TTC27: variants seen among roughly 807,000 people sequenced by gnomAD.
TTC27 encodes the protein tetratricopeptide repeat domain 27.
A neutral mutation model predicts 115.9 loss-of-function variants in TTC27; 79 were observed. That is an observed-to-expected ratio of 0.68 (90% CI 0.57 to 0.82). The LOEUF is 0.82. TTC27 is among the 40% of genes least tolerant of loss of function. TTC27 has a pLI of 0.00. For missense variants in TTC27, 1,054 were observed against 993.1 expected (o/e 1.06, Z -0.82); for synonymous variants, 401 against 356.0 (o/e 1.13, Z -1.42).
intron 16 of TTC27, among the ~76,000 whole-genome samples, chr2:32,791,145 A>C (rs1015529150): frequency 2.0e-5 from 3 of 152,232 alleles, no homozygotes; most frequent in African/African-American, 7.2e-5. Context: ...CTACATAATT[A>C]GTTCCTGTTC....
At chr2:32,808,476 T>A (rs1671210976) in intron 16 of TTC27, among the ~76,000 whole-genome samples, 1 of 152,214 alleles carries the variant, frequency 6.6e-6, no homozygotes, top group Non-Finnish European at 1.5e-5. Flanking sequence ...TGGTGGTATC[T>A]GCATATGAAC....
chr2:32,782,536 T>TG, intron 14 of TTC27, 90 bp from the exon 15 acceptor site: 2 of 1,082,816 alleles, frequency 1.8e-6, no homozygotes. Flanking sequence ...GAGCATATAT[T>TG]GGACTAGGAG....
chr2:32,642,775 C>T (rs1664701939), intron 4 of TTC27, among the ~76,000 whole-genome samples: 1 of 150,826 alleles, frequency 6.6e-6, no homozygotes, highest in Non-Finnish European at 1.5e-5. Flanking sequence ...TGAAGCCATC[C>T]TCCCACCTCA....
intron 12 of TTC27, among the ~76,000 whole-genome samples, chr2:32,754,850 C>A (rs9259379): frequency 1.4e-5 from 2 of 142,832 alleles, no homozygotes; most frequent in South Asian, 4.6e-4. Flanking sequence ...CCCTCCCGGA[C>A]GGGGCGGCTG....
intron 7 of TTC27, among the ~76,000 whole-genome samples, chr2:32,670,078 A>T (rs1014478126): frequency 6.6e-6 from 1 of 151,820 alleles, no homozygotes; most frequent in Non-Finnish European, 1.5e-5. Context: ...AGGCTTCACC[A>T]TGCTGGCCAG....
In TTC27 at chr2:32,630,611, A is replaced by G; in HGVS notation, c.177A>G (p.Thr59=). 6.2e-7 allele frequency: 1 copy of G among 1,613,842 alleles called. No individual in the cohort carries two copies. Among genetic ancestry groups the G allele is most frequent in the Non-Finnish European group, 8.5e-7 (1 of 1,179,878 alleles). The part of the protein sequence containing the change: ...NSMTQNIFNS[T]TTAEEKIDSY... ...TGACTCAAAATATTTTTAATTCAACAACAACCGCTGAAGAAAAGATTGATA... is the reference window on the plus strand; with the variant it reads ...TGACTCAAAATATTTTTAATTCAACGACAACCGCTGAAGAAAAGATTGATA... Residue 59 remains threonine (T), a synonymous_variant, in exon 2 of 20, where the codon ACA becomes ACG. Transcript: ENST00000317907.
intron 3 of TTC27, among the ~76,000 whole-genome samples, chr2:32,635,791 A>C (rs1399802575): frequency 6.6e-6 from 1 of 152,214 alleles, no homozygotes; most frequent in Non-Finnish European, 1.5e-5. Flanking sequence ...GAAGAAGTGC[A>C]AAAACAAGCA....
intron 10 of TTC27, among the ~76,000 whole-genome samples, chr2:32,709,128 A>C (rs1559216265): frequency 6.6e-6 from 1 of 152,222 alleles, no homozygotes; most frequent in Non-Finnish European, 1.5e-5. Context: ...TGAATGATAA[A>C]TTTTGGATAA....
chr2:32,787,282 T>A (rs980629794), intron 16 of TTC27, 133 bp downstream of exon 16: 2 of 968,812 alleles, frequency 2.1e-6, no homozygotes, highest in Non-Finnish European at 3.0e-6. Flanking sequence ...GGGTATTTTT[T>A]TCTAGTCAAA....
In TTC27 at chr2:32,666,625, G is replaced by GT. The variant is rs750632582; in HGVS notation, c.806-4dup. ...GTAAGTCAGTAGATATAATTTTATTGTTTTTTCAGGTGCTTTGGGAAAAAG... is the reference window on the plus strand; with the variant it reads ...GTAAGTCAGTAGATATAATTTTATTGTTTTTTTCAGGTGCTTTGGGAAAAAG... On this transcript the variant is annotated splice_polypyrimidine_tract_variant and intron_variant, in intron 6 of 19. Coordinates refer to ENST00000317907, the MANE Select transcript of TTC27 (RefSeq NM_017735.5). The GT allele has an allele frequency of 9.9e-6, 16 of 1,613,340 alleles. No individual in the cohort carries two copies. The Admixed American group carries it at 1.8e-4, about 19-fold the overall frequency.
intron 3 of TTC27, 96 bp downstream of exon 3, chr2:32,634,101 C>T: frequency 7.3e-7 from 1 of 1,376,704 alleles, no homozygotes; most frequent in Non-Finnish European, 9.7e-7. Flanking sequence ...AGGAAAGAAA[C>T]ATGACTTTAT....
At chr2:32,789,607 T>G (rs1433249505) in intron 16 of TTC27, among the ~76,000 whole-genome samples, 1 of 152,092 alleles carries the variant, frequency 6.6e-6, no homozygotes, top group South Asian at 2.1e-4. Context: ...CATTGGAATT[T>G]TAAGAACATT....
At chr2:32,800,686 A>T (rs1426750496) in intron 16 of TTC27, among the ~76,000 whole-genome samples, 1 of 142,274 alleles carries the variant, frequency 7.0e-6, no homozygotes, top group Non-Finnish European at 1.5e-5. Context: ...TTTTAGTAGA[A>T]ATGGGGTTTC....
chr2:32,799,698 T>C (rs1670856082), intron 16 of TTC27, among the ~76,000 whole-genome samples: 1 of 152,144 alleles, frequency 6.6e-6, no homozygotes. Context: ...ATCCTTATTA[T>C]ATAAAGAGTT....
intron 1 of TTC27, 79 bp from the exon 2 acceptor site, chr2:32,630,444 G>T: frequency 8.7e-7 from 1 of 1,152,650 alleles, no homozygotes; most frequent in Non-Finnish European, 1.2e-6. Flanking sequence ...TAAAATGGTA[G>T]ATTTACCTAA....
intron 16 of TTC27, among the ~76,000 whole-genome samples, chr2:32,805,772 T>C (rs559066038): frequency 2.2e-4 from 34 of 152,376 alleles, no homozygotes; most frequent in Non-Finnish European, 4.6e-4. Context: ...TATATGTTTA[T>C]ATTGCTTCAC....
intron 5 of TTC27, among the ~76,000 whole-genome samples, chr2:32,662,538 T>G (rs1665588103): frequency 6.6e-6 from 1 of 152,194 alleles, no homozygotes; most frequent in Non-Finnish European, 1.5e-5. Context: ...TCTTCTAGAT[T>G]TTCTAGTTTA....
intron 9 of TTC27, 58 bp downstream of exon 9, chr2:32,678,980 G>C: frequency 6.9e-7 from 1 of 1,458,626 alleles, no homozygotes; most frequent in South Asian, 1.2e-5. Flanking sequence ...TACTTCCTCT[G>C]GTATGGTCTT....
intron 5 of TTC27, among the ~76,000 whole-genome samples, chr2:32,657,722 C>A (rs1178038687): frequency 6.6e-6 from 1 of 152,084 alleles, no homozygotes; most frequent in Admixed American, 6.6e-5. Flanking sequence ...TTTTTCATAC[C>A]CCTTTCCCCT....
Sources: allele counts gnomAD v4.1 joint callset (sites outside exome capture counted in the v4.1 genomes callset), GRCh38; gene constraint gnomAD v4.1.1; transcripts MANE v1.5; gene names NCBI Gene and HGNC (gene_info 2026-07-23, HGNC 2026-07-21).